The following PALD1 variants were observed in gnomAD, a reference collection of about 807,000 sequenced individuals.
PALD1 encodes the protein phosphatase domain containing paladin 1, also known as paladin.
Under a neutral mutation model 96.0 loss-of-function variants are expected in PALD1, and 57 were observed. The observed-to-expected ratio is 0.59, with a 90% confidence interval of 0.48 to 0.74. The LOEUF is 0.74. Among genes scored for constraint, PALD1 ranks in the 30% least tolerant of loss-of-function variants. PALD1 has a pLI of 0.00. For missense variants in PALD1, 1,063 were observed against 1,143.7 expected (o/e 0.93, Z 1.02); for synonymous variants, 464 against 473.6 (o/e 0.98, Z 0.26).
At position 70,534,410 on chromosome 10, in the gene PALD1, A is replaced by T; in HGVS notation, c.1023-15A>T. 1 of 1,577,694 alleles carries T rather than the reference A, an allele frequency of 6.3e-7. No individual in the cohort carries two copies. The highest frequency in any genetic ancestry group is 1.7e-5 in the Admixed American group (1 of 57,320). On this transcript the variant is annotated splice_polypyrimidine_tract_variant and intron_variant, in intron 8 of 19. Coordinates refer to ENST00000263563, the MANE Select transcript of PALD1 (RefSeq NM_014431.3). The stretch of plus-strand genomic sequence containing the variant: ...TTTGGAAGAGCCTGCTAATGTACTG[A>T]CCCTGCCTCGACAGGGCTGCCCCCA...
chr10:70,555,505 A>AAGGGAAGCGTTGGC (rs1343078079), intron 18 of PALD1, among the ~76,000 whole-genome samples: 1 of 152,080 alleles, frequency 6.6e-6, no homozygotes, highest in Non-Finnish European at 1.5e-5. Flanking sequence ...GGTGGCAGAG[A>AAGGGAAGCGTTGGC]AGGGAAGCGT....
intron 1 of PALD1, among the ~76,000 whole-genome samples, chr10:70,495,808 G>A (rs953123306): frequency 2.0e-5 from 3 of 150,264 alleles, no homozygotes; most frequent in Admixed American, 6.6e-5. Flanking sequence ...AGTTTGAGGG[G>A]AGCCTGGGCA....
intron 19 of PALD1, among the ~76,000 whole-genome samples, chr10:70,565,085 C>T (rs1313813337): frequency 1.3e-5 from 2 of 152,226 alleles, no homozygotes; most frequent in Non-Finnish European, 2.9e-5. Flanking sequence ...CTTGGGGAGA[C>T]ATACAGTGCC....
intron 1 of PALD1, among the ~76,000 whole-genome samples, chr10:70,514,287 G>GC (rs766045937): frequency 2.6e-5 from 4 of 152,122 alleles, no homozygotes; most frequent in Non-Finnish European, 4.4e-5. Flanking sequence ...AGTCAGGGCT[G>GC]CCCCCCGCAG....
At chr10:70,479,732 G>C (rs540808563) in intron 1 of PALD1, among the ~76,000 whole-genome samples, 1 of 152,192 alleles carries the variant, frequency 6.6e-6, no homozygotes, top group Non-Finnish European at 1.5e-5. Context: ...GGAATCTTCT[G>C]GGCATCTCTA....
the PALD1 span, among the ~76,000 whole-genome samples, chr10:70,460,325 C>T: frequency 3.9e-5 from 6 of 152,306 alleles, no homozygotes; most frequent in East Asian, 1.2e-3. Flanking sequence ...GGTGCCCGGC[C>T]TTTGTCTACC....
intron 15 of PALD1, 44 bp from the exon 16 acceptor site, chr10:70,541,058 T>C: frequency 6.5e-7 from 1 of 1,544,580 alleles, no homozygotes; most frequent in East Asian, 2.3e-5. Context: ...GGTTTGTGCA[T>C]CCAAGAGACG....
intron 1 of PALD1, among the ~76,000 whole-genome samples, chr10:70,490,089 A>G (rs1846075347): frequency 1.3e-5 from 2 of 152,034 alleles, no homozygotes; most frequent in Admixed American, 1.3e-4. Flanking sequence ...TGCCCAGCTA[A>G]TTTTTGTATT....
At chr10:70,554,017 C>T (rs1326068379) in intron 18 of PALD1, among the ~76,000 whole-genome samples, 4 of 152,354 alleles carry the variant, frequency 2.6e-5, no homozygotes, top group Admixed American at 2.0e-4. Context: ...TCAAGCAGCC[C>T]GACTTCACGG....
At chr10:70,514,510 A>G (rs1846582541) in intron 1 of PALD1, among the ~76,000 whole-genome samples, 1 of 152,156 alleles carries the variant, frequency 6.6e-6, no homozygotes, top group Non-Finnish European at 1.5e-5. Flanking sequence ...AAAGAGAAAG[A>G]GGCTGAGGGG....
At chr10:70,474,053 GA>G (rs1386696213), upstream of PALD1, among the ~76,000 whole-genome samples, 2 of 152,156 alleles carry the variant, frequency 1.3e-5, no homozygotes, top group African/African-American at 4.8e-5. Flanking sequence ...TGTAGAACCT[GA>G]AGAATGTTCT....
At position 70,533,907 on chromosome 10, in the gene PALD1, C is replaced by G; in HGVS notation, c.871-15C>G. 1 of 1,571,666 alleles carries G rather than the reference C, an allele frequency of 6.4e-7. No individual in the cohort carries two copies. Among genetic ancestry groups the G allele is most frequent in the Non-Finnish European group, 8.6e-7 (1 of 1,156,966 alleles). On this transcript the variant is annotated splice_polypyrimidine_tract_variant and intron_variant, in intron 7 of 19. Coordinates refer to ENST00000263563, the MANE Select transcript of PALD1 (RefSeq NM_014431.3). ...CCTGGTCTCACTGGGGCCTGATCCT[C>G]ATGGTCTTTCCCAGGAGACCCCCAG...
intron 17 of PALD1, among the ~76,000 whole-genome samples, chr10:70,542,356 C>T (rs1197650605): frequency 1.3e-5 from 2 of 152,196 alleles, no homozygotes; most frequent in African/African-American, 4.8e-5. Context: ...AGTACATTCA[C>T]GTTGTTGTGC....
chr10:70,534,863 G>C lies in PALD1; in HGVS notation c.1227+20G>C, dbSNP rs370769340. On this transcript the variant is annotated intron_variant, in intron 10 of 19. Transcript: ENST00000263563. ...GCCCAGGTGAGGCATGGAAGGACGT[G>C]TGAGCACTCTGCTTCTCTGTGAGCC... The C allele has an allele frequency of 6.7e-7, 1 of 1,486,466 alleles. No individual in the cohort carries two copies. Among genetic ancestry groups the C allele is most frequent in the Non-Finnish European group, 9.4e-7 (1 of 1,068,050 alleles). 92.1% of individuals were successfully genotyped at this position (1,486,466 alleles called of 1,614,324 possible).
intron 1 of PALD1, among the ~76,000 whole-genome samples, chr10:70,525,372 G>A (rs968082121): frequency 2.0e-5 from 3 of 152,126 alleles, no homozygotes; most frequent in African/African-American, 7.2e-5. Context: ...TTGAACACTT[G>A]ATCTGCTGAT....
At chr10:70,482,978 A>G (rs1845959543) in intron 1 of PALD1, among the ~76,000 whole-genome samples, 1 of 152,054 alleles carries the variant, frequency 6.6e-6, no homozygotes, top group Non-Finnish European at 1.5e-5. Flanking sequence ...TGGCATCTTG[A>G]TGTGGGTTCC....
At chr10:70,511,449 G>T (rs918404509) in intron 1 of PALD1, among the ~76,000 whole-genome samples, 5 of 152,208 alleles carry the variant, frequency 3.3e-5, no homozygotes, top group African/African-American at 1.2e-4. Context: ...GAGGAAAGGG[G>T]TCTTGTAAGG....
intron 1 of PALD1, 88 bp from the exon 2 acceptor site, chr10:70,525,835 C>T: frequency 9.7e-7 from 1 of 1,026,436 alleles, no homozygotes; most frequent in Non-Finnish European, 1.5e-6. Context: ...CTGCCTTTCT[C>T]TGTATGGTGG....
At chr10:70,495,588 G>T (rs1208540776) in intron 1 of PALD1, among the ~76,000 whole-genome samples, 1 of 152,152 alleles carries the variant, frequency 6.6e-6, no homozygotes, top group Non-Finnish European at 1.5e-5. Flanking sequence ...TCCTGTTAAG[G>T]GCAAAAGCTT....
Sources: gnomAD v4.1 joint callset for allele counts (sites outside exome capture counted in the v4.1 genomes callset) on GRCh38, gnomAD v4.1.1 for gene constraint, MANE v1.5 for transcripts, NCBI Gene and HGNC (gene_info 2026-07-23, HGNC 2026-07-21) for gene names.